Variants in FBXO21 observed in about 807,000 individuals in gnomAD.
The protein encoded by FBXO21 is F-box only protein 21.
A neutral mutation model predicts 76.6 loss-of-function variants in FBXO21; 32 were observed. That is an observed-to-expected ratio of 0.42 (90% CI 0.32 to 0.56). FBXO21 has a LOEUF of 0.56. Ranked by LOEUF, FBXO21 falls within the 20% of genes least tolerant of loss-of-function variation. FBXO21 has a pLI of 0.16. For synonymous variants in FBXO21, 328 were observed against 311.5 expected, an observed-to-expected ratio of 1.05 and a Z score of -0.56; for missense variants, 586 against 797.3, an observed-to-expected ratio of 0.73 and a Z score of 3.19.
chr12:117,158,969 A>G (rs1955947362), intron 9 of FBXO21, among the ~76,000 whole-genome samples: 2 of 152,234 alleles, frequency 1.3e-5, no homozygotes, highest in African/African-American at 4.8e-5. Context: ...CCTGGATTAC[A>G]GCCTGCTTAG....
At chr12:117,168,531 TA>T (rs1048217111) in intron 7 of FBXO21, among the ~76,000 whole-genome samples, 2 of 145,632 alleles carry the variant, frequency 1.4e-5, no homozygotes, top group Non-Finnish European at 1.5e-5. Context: ...CTCAAAAAAA[TA>T]AAAAAAAATA....
chr12:117,156,710 TTC>T (rs938636391), intron 10 of FBXO21, among the ~76,000 whole-genome samples: 4 of 152,136 alleles, frequency 2.6e-5, no homozygotes, highest in Non-Finnish European at 5.9e-5. Flanking sequence ...TTATAGTCCT[TTC>T]TCTCTTATAA....
chr12:117,176,178 A>T (rs1431246189), intron 4 of FBXO21, among the ~76,000 whole-genome samples: 1 of 152,236 alleles, frequency 6.6e-6, no homozygotes, highest in Non-Finnish European at 1.5e-5. Context: ...TTACAGAAAC[A>T]AATGTATACA....
At chr12:117,153,789 C>T (rs141831348) in intron 11 of FBXO21, among the ~76,000 whole-genome samples, 1 of 152,220 alleles carries the variant, frequency 6.6e-6, no homozygotes, top group Non-Finnish European at 1.5e-5. Context: ...ATTCAAGAAG[C>T]CAATTTGCTA....
At chr12:117,177,721 T>C in intron 3 of FBXO21, 80 bp from the exon 4 acceptor site, 1 of 1,190,538 alleles carries the variant, frequency 8.4e-7, no homozygotes, top group South Asian at 1.4e-5. Flanking sequence ...ACATACCATG[T>C]AGTTTGCTTA....
chr12:117,175,908 T>C (rs1451708643), intron 4 of FBXO21, among the ~76,000 whole-genome samples: 3 of 152,216 alleles, frequency 2.0e-5, no homozygotes, highest in South Asian at 2.1e-4. Context: ...AAAAGGAGTA[T>C]TTGTTTTCAT....
chr12:117,177,399 G>A (rs1235206988), intron 4 of FBXO21, 121 bp downstream of exon 4: 1 of 960,440 alleles, frequency 1.0e-6, no homozygotes, highest in Non-Finnish European at 1.5e-6. Context: ...AGAAGCCCAC[G>A]CAACATGATT....
chr12:117,177,676 A>G (rs778116088), intron 3 of FBXO21, 35 bp from the exon 4 acceptor site: 1 of 1,600,764 alleles, frequency 6.2e-7, no homozygotes, highest in African/African-American at 1.3e-5. Flanking sequence ...TTAAGATTTG[A>G]AAACTTTCAG....
rs530191012 is a variant in FBXO21, at chr12:117,180,571, A to ATC, written c.471-2932_471-2931dup. Among the ~76,000 whole-genome samples, 30 of 152,148 alleles carry ATC rather than the reference A, an allele frequency of 2.0e-4. No homozygotes were observed. The South Asian group carries it at 4.2e-3, about 21-fold the overall frequency. On this transcript the variant is annotated intron_variant, in intron 3 of 11. Coordinates refer to ENST00000622495, the MANE Select transcript of FBXO21 (RefSeq NM_015002.3). ...TCGTTATTCATTTACTTCATTCCAC[A>ATC]TCTCTCTCTCATACACACACACCAG... is the stretch of plus-strand genomic sequence containing the variant.
intron 3 of FBXO21, among the ~76,000 whole-genome samples, chr12:117,178,051 TCCAGA>T (rs1234160994): frequency 1.3e-5 from 2 of 152,142 alleles, no homozygotes; most frequent in Non-Finnish European, 2.9e-5. Flanking sequence ...ACTCCTATTT[TCCAGA>T]CCAGAGTTCT....
rs528888193 is a variant in FBXO21, at chr12:117,142,494, C to T, written c.*3593G>A. 2.6e-5 allele frequency: 4 copies of T among 152,244 alleles called. No individual in the cohort carries two copies. The highest frequency in any genetic ancestry group is 4.4e-5 in the Non-Finnish European group (3 of 68,020). 9.4% of individuals were successfully genotyped at this position (152,244 alleles called of 1,614,324 possible). On this transcript the variant is annotated 3_prime_UTR_variant, in exon 12 of 12. Transcript: ENST00000622495. ...CTGCAAAGCCTAAAATCTTTACTAT[C>T]TGCGTCTGCTTTATAGGATTGCTGG...
At position 117,190,282 on chromosome 12, in the gene FBXO21, A is replaced by T; in HGVS notation, c.175T>A (p.Cys59Ser). 1 of 1,538,346 alleles carries T rather than the reference A, an allele frequency of 6.5e-7. No homozygotes were observed. The highest frequency in any genetic ancestry group is 8.7e-7 in the Non-Finnish European group (1 of 1,153,298). Residue 59 changes from cysteine (C) to serine (S), a missense_variant, in exon 1 of 12, where the codon TGC becomes AGC. By Grantham distance (112) the Cys-to-Ser change is moderately radical. Transcript: ENST00000622495. ...TGGCACAGCTCGCGCAGCCGCCGGC[A>T]GGTGCTGGAGACACGGCCGATGTCG... ...AADIGRVSST[C>S]RRLRELCQSS...
Position 117,144,929 on chromosome 12 carries a change from C to T in FBXO21, c.*1158G>A, listed in dbSNP as rs913046543. On this transcript the variant is annotated 3_prime_UTR_variant, in exon 12 of 12. Transcript: ENST00000622495. ...TTGGAAAAGCAGATTCCAACACGCA[C>T]ATCTCCTTTCACACAAGTCCAACAC... is the stretch of plus-strand genomic sequence containing the variant. The T allele has an allele frequency of 1.6e-4, 25 of 152,184 alleles. No individual in the cohort carries two copies. The highest frequency in any genetic ancestry group is 5.8e-4 in the African/African-American group (24 of 41,438). The allele number at this position is 152,184 out of a possible 1,614,324, so 9.4% of individuals were successfully genotyped here.
chr12:117,167,554 C>T (rs982006606), intron 7 of FBXO21, among the ~76,000 whole-genome samples: 4 of 151,370 alleles, frequency 2.6e-5, no homozygotes, highest in African/African-American at 9.7e-5. Context: ...TGACTAACAT[C>T]CTGGCTAACA....
At chr12:117,183,652 G>A (rs969072573) in intron 3 of FBXO21, among the ~76,000 whole-genome samples, 8 of 152,176 alleles carry the variant, frequency 5.3e-5, no homozygotes, top group African/African-American at 1.2e-4. Context: ...CCTAACCTTT[G>A]AACATTTTTC....
At chr12:117,173,583 G>C (rs927195223) in intron 6 of FBXO21, among the ~76,000 whole-genome samples, 1 of 152,244 alleles carries the variant, frequency 6.6e-6, no homozygotes, top group African/African-American at 2.4e-5. Context: ...CAAATGGCTA[G>C]AGGCCAGTGC....
At chr12:117,171,357 CAAAAA>C (rs57835444) in intron 7 of FBXO21, among the ~76,000 whole-genome samples, 1 of 52,658 alleles carries the variant, frequency 1.9e-5, no homozygotes, top group Non-Finnish European at 3.4e-5. Context: ...GACCCTGTCT[CAAAAA>C]AAAAAAAAAA....
At chr12:117,148,431 G>A (rs1472522) in intron 11 of FBXO21, among the ~76,000 whole-genome samples, 55,158 of 152,186 alleles carry the variant, frequency 0.36, 11,655 homozygotes, top group Admixed American at 0.54. Flanking sequence ...CAAAGCAGGA[G>A]GCGGCCATGA....
At chr12:117,177,715 AC>A in intron 3 of FBXO21, 74 bp from the exon 4 acceptor site, 2 of 1,265,088 alleles carry the variant, frequency 1.6e-6, no homozygotes, top group South Asian at 1.4e-5. Context: ...ACACTAACAT[AC>A]CATGTAGTTT....
Sources: allele counts gnomAD v4.1 joint callset (sites outside exome capture counted in the v4.1 genomes callset), GRCh38; gene constraint gnomAD v4.1.1; transcripts MANE v1.5; gene names NCBI Gene and HGNC (gene_info 2026-07-23, HGNC 2026-07-21).